The following TNNT2 variants were observed in gnomAD, a reference collection of about 807,000 sequenced individuals.
The protein encoded by TNNT2 is troponin T2, cardiac type, also known as troponin T, cardiac muscle.
In TNNT2, 34 loss-of-function variants were observed where a neutral mutation model predicts 62.4. The observed-to-expected ratio is 0.54, with a 90% CI of 0.41 to 0.72. The LOEUF (loss-of-function observed/expected upper bound fraction) is 0.72. Among genes scored for constraint, TNNT2 ranks in the 30% least tolerant of loss-of-function variants. TNNT2 has a pLI of 0.00. For synonymous variants in TNNT2, 123 were observed against 127.2 expected, an observed-to-expected ratio of 0.97 and a Z score of 0.22; for missense variants, 275 against 381.9, an observed-to-expected ratio of 0.72 and a Z score of 2.33.
At chr1:201,372,227 T>C in intron 2 of TNNT2, 72 bp from the exon 3 acceptor site, 1 of 1,603,140 alleles carries the variant, frequency 6.2e-7, no homozygotes, top group Non-Finnish European at 8.5e-7. Context: ...TGCACACACA[T>C]GCACACACTG....
chr1:201,366,877 G>GGAGATAGAA lies in TNNT2; in HGVS notation c.200-15_200-7dup. ...GGACTCCTCCATTGGGCCATCTGGA[G>GGAGATAGAA]GAGATAGAAGCACACAGCCATGGGT... On this transcript the variant is annotated splice_polypyrimidine_tract_variant and splice_region_variant and intron_variant, in intron 7 of 16. Coordinates refer to ENST00000656932, the MANE Select transcript of TNNT2 (RefSeq NM_001276345.2). The GGAGATAGAA allele has an allele frequency of 6.2e-7, 1 of 1,614,110 alleles. No homozygotes were observed. Among genetic ancestry groups the GGAGATAGAA allele is most frequent in the South Asian group, 1.1e-5 (1 of 91,078 alleles).
At chr1:201,359,362 G>A (rs1307603531) in intron 16 of TNNT2, 107 bp from the exon 17 acceptor site, 3 of 1,399,356 alleles carry the variant, frequency 2.1e-6, no homozygotes, top group Non-Finnish European at 3.0e-6. Context: ...GCAGGCTGGA[G>A]CTGCCTCCAG....
chr1:201,366,898 T>C (rs1394580506), intron 7 of TNNT2, 27 bp from the exon 8 acceptor site: 1 of 1,613,972 alleles, frequency 6.2e-7, no homozygotes, highest in Non-Finnish European at 8.5e-7. Flanking sequence ...CACACAGCCA[T>C]GGGTCAGGGG....
At chr1:201,371,994 C>G (rs776938856) in intron 4 of TNNT2, 33 bp downstream of exon 4, 3 of 1,613,980 alleles carry the variant, frequency 1.9e-6, no homozygotes, top group Non-Finnish European at 2.5e-6. Flanking sequence ...GAGCCTGCCC[C>G]TTTCTGGCTC....
In TNNT2 at chr1:201,373,235, A is replaced by G. The variant is rs970498944; in HGVS notation, c.20T>C (p.Val7Ala). The G allele has an allele frequency of 1.2e-6, 2 of 1,613,706 alleles. No individual in the cohort carries two copies. The highest frequency in any genetic ancestry group is 8.5e-7 in the Non-Finnish European group (1 of 1,179,936). The change falls in exon 2 of 17, where the codon GTG (valine) becomes GCG (alanine). Residue 7 changes from valine to alanine, a missense_variant. Coordinates refer to ENST00000656932, the MANE Select transcript of TNNT2 (RefSeq NM_001276345.2). Reference sequence around the variant, plus strand: ...TCACTCCTCCTCGTACTCTTCCACCACCTCTTCTATGTCAGACATGGTCTC... The same window carrying G: ...TCACTCCTCCTCGTACTCTTCCACCGCCTCTTCTATGTCAGACATGGTCTC... MSDIEE[V>A]VEEYEEEEQE...
At chr1:201,364,176 A>C in intron 11 of TNNT2, 122 bp downstream of exon 11, 1 of 1,112,706 alleles carries the variant, frequency 9.0e-7, no homozygotes, top group Admixed American at 2.0e-5. Context: ...GAGCCACCGC[A>C]CCCGGCCAAT....
rs1244888337 is a variant in TNNT2 at position 201,372,969 on chromosome 1, A to G, written c.41+245T>C. On this transcript the variant is annotated intron_variant, in intron 2 of 16. Transcript: ENST00000656932. Reference sequence around the variant, plus strand: ...GGCCCCTAGCCAAGACTGGCCAAGGACACTGATGACCCTGGAGCTGAACCT... The same window carrying G: ...GGCCCCTAGCCAAGACTGGCCAAGGGCACTGATGACCCTGGAGCTGAACCT... 4.6e-6 allele frequency: 3 copies of G among 658,858 alleles called. No homozygotes were observed. The East Asian group carries it at 8.8e-5, about 19-fold the overall frequency. 40.8% of individuals were successfully genotyped at this position (658,858 alleles called of 1,614,324 possible).
At chr1:201,370,516 T>C (rs1660465320) in intron 4 of TNNT2, among the ~76,000 whole-genome samples, 1 of 152,198 alleles carries the variant, frequency 6.6e-6, no homozygotes, top group South Asian at 2.1e-4. Context: ...AAAAAACAGT[T>C]CCAGCAAGTG....
chr1:201,360,559 G>A (rs1313275051), intron 15 of TNNT2: 1 of 153,326 alleles, frequency 6.5e-6, no homozygotes, highest in Non-Finnish European at 1.5e-5. Context: ...TCTCCGTATT[G>A]GGAGGTGGGA....
At chr1:201,359,351 A>G in intron 16 of TNNT2, 96 bp from the exon 17 acceptor site, 1 of 1,450,480 alleles carries the variant, frequency 6.9e-7, no homozygotes, top group Non-Finnish European at 9.5e-7. Flanking sequence ...AGGGGAGAGG[A>G]GCAGGCTGGA....
At chr1:201,373,127 C>T (rs745752780) in intron 2 of TNNT2, 87 bp downstream of exon 2, 6 of 1,356,532 alleles carry the variant, frequency 4.4e-6, no homozygotes, top group Admixed American at 3.4e-5. Flanking sequence ...ACCCAGAATC[C>T]GAGGGACAGC....
intron 10 of TNNT2, among the ~76,000 whole-genome samples, chr1:201,364,970 A>G (rs979618425): frequency 2.0e-5 from 3 of 152,120 alleles, no homozygotes; most frequent in African/African-American, 7.2e-5. Context: ...TCTGGCAGTC[A>G]AGGAGCATCC....
chr1:201,365,863 C>T (rs1659571714), intron 8 of TNNT2, 193 bp from the exon 9 acceptor site: 1 of 1,467,590 alleles, frequency 6.8e-7, no homozygotes, highest in African/African-American at 1.4e-5. Context: ...ATACACAAAG[C>T]TCTTTCACAT....
At chr1:201,375,859 C>T (rs1375141907) in intron 1 of TNNT2, among the ~76,000 whole-genome samples, 1 of 152,244 alleles carries the variant, frequency 6.6e-6, no homozygotes, top group African/African-American at 2.4e-5. Context: ...GTGCTGGGGC[C>T]TCACAGGAGG....
At chr1:201,372,592 C>T (rs931104779) in intron 2 of TNNT2, among the ~76,000 whole-genome samples, 3 of 152,206 alleles carry the variant, frequency 2.0e-5, no homozygotes, top group South Asian at 2.1e-4. Context: ...ACCAACAGCC[C>T]GCCCTCCACA....
chr1:201,360,272 A>C (rs1658365413), intron 15 of TNNT2, among the ~76,000 whole-genome samples: 1 of 152,154 alleles, frequency 6.6e-6, no homozygotes, highest in African/African-American at 2.4e-5. Context: ...CCAGATATGA[A>C]CCCATAGGGC....
Position 201,373,196 on chromosome 1 carries a change from G to T in TNNT2, c.41+18C>A. 1.9e-6 allele frequency: 3 copies of T among 1,613,942 alleles called. No individual in the cohort carries two copies. ...GCGGGAGAGGACCCCACTCAGGCAAGATGCTCCAGATACTCACTCCTCCTC... is the reference window on the plus strand; with the variant it reads ...GCGGGAGAGGACCCCACTCAGGCAATATGCTCCAGATACTCACTCCTCCTC... On this transcript the variant is annotated intron_variant, in intron 2 of 16. Transcript: ENST00000656932.
In TNNT2 at chr1:201,372,044, G is replaced by A; in HGVS notation, c.53-3C>T. 6.4e-7 allele frequency: 1 copy of A among 1,564,646 alleles called. No individual in the cohort carries two copies. The highest frequency in any genetic ancestry group is 8.7e-7 in the Non-Finnish European group (1 of 1,153,310). ...GCACATACCTTCAACAGCTGCTTCT[G>A]CTCAGAAGAGAAGTCCAGGCAGCAA... On this transcript the variant is annotated splice_polypyrimidine_tract_variant and splice_region_variant and intron_variant, in intron 3 of 16. Transcript: ENST00000656932.
At chr1:201,359,340 A>G (rs1658161642) in intron 16 of TNNT2, 85 bp from the exon 17 acceptor site, 1 of 1,529,506 alleles carries the variant, frequency 6.5e-7, no homozygotes. Flanking sequence ...TGGGGTGCCA[A>G]AGGGGAGAGG....
Sources: allele counts gnomAD v4.1 joint callset (sites outside exome capture counted in the v4.1 genomes callset), GRCh38; gene constraint gnomAD v4.1.1; transcripts MANE v1.5; gene names NCBI Gene and HGNC (gene_info 2026-07-23, HGNC 2026-07-21).